C14orf39: variants seen among roughly 807,000 people sequenced by gnomAD.
The protein encoded by C14orf39 is protein SIX6OS1.
A neutral mutation model predicts 85.6 loss-of-function variants in C14orf39; 66 were observed. That is an observed-to-expected ratio of 0.77 (90% CI 0.63 to 0.95). The LOEUF is 0.95. Ranked by LOEUF, C14orf39 falls within the 40% of genes least tolerant of loss-of-function variation. The probability of loss-of-function intolerance (pLI) is 0.00; values close to 1 mark genes in which losing one functional copy is unlikely to be tolerated. For synonymous variants in C14orf39, 242 were observed against 214.0 expected (o/e 1.13, Z -1.14); for missense variants, 735 against 663.9 (o/e 1.11, Z -1.18).
chr14:60,506,781 C>G (rs921602112), intron 1 of C14orf39, among the ~76,000 whole-genome samples: 2 of 152,200 alleles, frequency 1.3e-5, no homozygotes, highest in African/African-American at 4.8e-5. Context: ...CCAACTCAGA[C>G]TCTCAGTTCC....
intron 16 of C14orf39, among the ~76,000 whole-genome samples, chr14:60,446,168 C>G (rs754224503): frequency 2.0e-5 from 3 of 151,986 alleles, no homozygotes; most frequent in Non-Finnish European, 2.9e-5. Flanking sequence ...GGAGCAAGAG[C>G]AAAGAAATTC....
chr14:60,455,142 G>T lies in C14orf39; in HGVS notation c.1362C>A (p.Asn454Lys). 6.5e-7 allele frequency: 1 copy of T among 1,546,736 alleles called. No homozygotes were observed. Among genetic ancestry groups the T allele is most frequent in the Non-Finnish European group, 8.7e-7 (1 of 1,152,044 alleles). ...KFPKTPPFEI[N>K]RNRNAVPEVQ... Reference sequence around the variant, plus strand: ...CTTCAGGTACTGCATTTCTATTTCTGTTACTGAGAAATAAGAAATTATCAA... The same window carrying T: ...CTTCAGGTACTGCATTTCTATTTCTTTTACTGAGAAATAAGAAATTATCAA... The change falls in exon 16 of 18, where the codon AAC becomes AAA. Residue 454 changes from asparagine (N) to lysine (K), a missense_variant. Coordinates refer to ENST00000321731, the MANE Select transcript of C14orf39 (RefSeq NM_174978.3).
At chr14:60,480,295 G>T (rs904627769) in intron 4 of C14orf39, among the ~76,000 whole-genome samples, 1 of 152,064 alleles carries the variant, frequency 6.6e-6, no homozygotes, top group Admixed American at 6.6e-5. Context: ...GGTGGTGCAT[G>T]CCTGTAATCC....
At chr14:60,500,151 C>T (rs1893119736) in intron 1 of C14orf39, among the ~76,000 whole-genome samples, 2 of 152,150 alleles carry the variant, frequency 1.3e-5, no homozygotes, top group Admixed American at 1.3e-4. Flanking sequence ...CCTCAGCCAC[C>T]CAGATAGCTG....
chr14:60,440,876 C>G (rs1298291147), intron 17 of C14orf39, among the ~76,000 whole-genome samples: 1 of 152,126 alleles, frequency 6.6e-6, no homozygotes, highest in South Asian at 2.1e-4. Context: ...GCTTGGAACA[C>G]TTTTCCCAGT....
intron 15 of C14orf39, among the ~76,000 whole-genome samples, chr14:60,455,898 A>T (rs1382584544): frequency 1.3e-5 from 2 of 152,156 alleles, no homozygotes. Flanking sequence ...TGATACTGCC[A>T]TAACTATCTC....
intron 11 of C14orf39, among the ~76,000 whole-genome samples, chr14:60,462,624 C>A (rs569176096): frequency 6.6e-6 from 1 of 152,168 alleles, no homozygotes; most frequent in African/African-American, 2.4e-5. Context: ...AAAGTGTCAA[C>A]CTCCTTTAAA....
intron 2 of C14orf39, among the ~76,000 whole-genome samples, chr14:60,492,140 A>T (rs539130482): frequency 3.5e-4 from 53 of 151,508 alleles, no homozygotes; most frequent in African/African-American, 1.1e-3. Context: ...TTTAAAAAAA[A>T]TTTTTTTATC....
At chr14:60,486,451 A>G (rs944700897), upstream of C14orf39, among the ~76,000 whole-genome samples, 2 of 152,254 alleles carry the variant, frequency 1.3e-5, no homozygotes, top group Non-Finnish European at 2.9e-5. Context: ...TTCTGAATTC[A>G]GCATTTTTCA....
chr14:60,475,636 A>G (rs1383028769), intron 5 of C14orf39, among the ~76,000 whole-genome samples: 1 of 152,160 alleles, frequency 6.6e-6, no homozygotes, highest in African/African-American at 2.4e-5. Context: ...TCGTGCCATA[A>G]TAGGAGAGTG....
At chr14:60,469,873 AC>A (rs1244463341) in intron 7 of C14orf39, among the ~76,000 whole-genome samples, 3 of 151,262 alleles carry the variant, frequency 2.0e-5, no homozygotes, top group Admixed American at 6.6e-5. Context: ...GCTTAAAAAA[AC>A]ATTTCATACA....
chr14:60,499,141 A>G (rs927988306), intron 2 of C14orf39, among the ~76,000 whole-genome samples: 1 of 152,116 alleles, frequency 6.6e-6, no homozygotes, highest in Non-Finnish European at 1.5e-5. Flanking sequence ...CTGTTATCCC[A>G]GCTACTCAGG....
At chr14:60,469,094 C>G (rs1277152457) in intron 8 of C14orf39, among the ~76,000 whole-genome samples, 1 of 151,272 alleles carries the variant, frequency 6.6e-6, no homozygotes, top group African/African-American at 2.4e-5. Flanking sequence ...TAAACTAGTT[C>G]TAGCCTAGCT....
chr14:60,485,495 A>G (rs895709593), intron 1 of C14orf39, among the ~76,000 whole-genome samples: 3 of 152,212 alleles, frequency 2.0e-5, no homozygotes, highest in Non-Finnish European at 4.4e-5. Flanking sequence ...CAAAATTCTA[A>G]CGAAAGCCCT....
chr14:60,483,675 T>C lies in C14orf39; in HGVS notation c.233+16A>G, dbSNP rs1271434594. 1 of 1,569,596 alleles carries C rather than the reference T, an allele frequency of 6.4e-7. No homozygotes were observed. On this transcript the variant is annotated intron_variant, in intron 4 of 17. Transcript: ENST00000321731. ...ATAAAAGAATGCAATGAAAATTGAT[T>C]CTTTCAAATACTCACTTTCTACAGT...
chr14:60,489,697 T>C (rs1409136560), upstream of C14orf39, among the ~76,000 whole-genome samples: 3 of 152,238 alleles, frequency 2.0e-5, no homozygotes, highest in East Asian at 1.9e-4. Flanking sequence ...TTTTCTCTTA[T>C]GTGTATTCAA....
chr14:60,438,220 C>A (rs776555133), intron 17 of C14orf39, among the ~76,000 whole-genome samples: 24 of 151,960 alleles, frequency 1.6e-4, no homozygotes, highest in Non-Finnish European at 3.2e-4. Flanking sequence ...AGAACCAAGT[C>A]AACCAGCAGT....
chr14:60,463,106 G>A (rs560321348), intron 11 of C14orf39, among the ~76,000 whole-genome samples: 2 of 152,184 alleles, frequency 1.3e-5, no homozygotes, highest in East Asian at 1.9e-4. Context: ...CTCACTAAAT[G>A]TTACCAAGCA....
In C14orf39 at chr14:60,454,998, T is replaced by C. The variant is rs748397254; in HGVS notation, c.1503+3A>G. The C allele has an allele frequency of 3.9e-6, 6 of 1,529,186 alleles. No individual in the cohort carries two copies. In the African/African-American group the frequency reaches 5.8e-5, roughly 15 times the overall value. The allele number at this position is 1,529,186 out of a possible 1,614,324, so 94.7% of individuals were successfully genotyped here. A position where few individuals can be genotyped will look rare whatever the true frequency, so the allele number is the denominator to read the frequency against. ...AAATAAAACTTTTGGCTTCTCATAT[T>C]ACCTGATCTGATGAGATTTCTGTAT... is the stretch of plus-strand genomic sequence containing the variant. On this transcript the variant is annotated splice_donor_region_variant and intron_variant, in intron 16 of 17. Transcript: ENST00000321731.
Sources: allele counts gnomAD v4.1 joint callset (sites outside exome capture counted in the v4.1 genomes callset), GRCh38; gene constraint gnomAD v4.1.1; transcripts MANE v1.5; gene names NCBI Gene and HGNC (gene_info 2026-07-23, HGNC 2026-07-21).